ABCA13: variants seen among roughly 807,000 people sequenced by gnomAD.
The protein encoded by ABCA13 is ATP-binding cassette sub-family A member 13.
Under a neutral mutation model 478.7 loss-of-function variants are expected in ABCA13, and 476 were observed. That is an observed-to-expected ratio of 0.99 (90% CI 0.92 to 1.07). ABCA13 has a LOEUF of 1.07. ABCA13 is among the 50% of genes least tolerant of loss of function. The probability of loss-of-function intolerance (pLI) is 0.00; values close to 1 mark genes in which losing one functional copy is unlikely to be tolerated. For missense variants in ABCA13, 6,060 were observed against 5,910.6 expected (o/e 1.03, Z -0.83); for synonymous variants, 2,252 against 2,158.9 (o/e 1.04, Z -1.20).
chr7:48,561,980 G>C (rs1786503963), intron 55 of ABCA13, among the ~76,000 whole-genome samples: 1 of 151,858 alleles, frequency 6.6e-6, no homozygotes, highest in Non-Finnish European at 1.5e-5. Context: ...AATAAGTGTA[G>C]AACATGAAAA....
At chr7:48,299,340 A>C (rs990373791) in intron 23 of ABCA13, among the ~76,000 whole-genome samples, 6 of 152,212 alleles carry the variant, frequency 3.9e-5, no homozygotes, top group African/African-American at 1.2e-4. Context: ...GGGTGGACTA[A>C]TGAAGAATTA....
chr7:48,479,299 GCC>G (rs1407121841), intron 45 of ABCA13, among the ~76,000 whole-genome samples: 1 of 151,900 alleles, frequency 6.6e-6, no homozygotes, highest in Non-Finnish European at 1.5e-5. Flanking sequence ...GTGCAGTGGT[GCC>G]ATCTTGGCTC....
chr7:48,292,929 T>G (rs1798739909), intron 20 of ABCA13, among the ~76,000 whole-genome samples: 1 of 152,208 alleles, frequency 6.6e-6, no homozygotes, highest in Non-Finnish European at 1.5e-5. Flanking sequence ...GCTCCATAAG[T>G]ATTTTTTGAA....
intron 42 of ABCA13, among the ~76,000 whole-genome samples, chr7:48,435,635 A>G (rs1822729624): frequency 6.6e-6 from 1 of 151,734 alleles, no homozygotes; most frequent in African/African-American, 2.4e-5. Context: ...TATTGAGTAC[A>G]ATATTGGGTG....
chr7:48,352,804 CA>C (rs1458393909), intron 31 of ABCA13, among the ~76,000 whole-genome samples: 1 of 151,922 alleles, frequency 6.6e-6, no homozygotes, highest in African/African-American at 2.4e-5. Context: ...CAAAAGATTC[CA>C]CTTACCTAAC....
rs6583546 is a variant in ABCA13 at position 48,297,247 on chromosome 7, C to T, written c.9135C>T (p.Leu3045=). 0.66 allele frequency: 1,059,079 copies of T among 1,603,750 alleles called. 354,355 individuals carry two copies. Among genetic ancestry groups the T allele is most frequent in the East Asian group, 0.99 (44,235 of 44,722 alleles). The change falls in exon 22 of 62, where the codon CTC becomes CTT. Residue 3045 remains leucine, a synonymous_variant. Coordinates refer to ENST00000435803, the MANE Select transcript of ABCA13 (RefSeq NM_152701.5). The part of the protein sequence containing the change: ...QQHLYMLAKS[L]EETWSSGNPI... ...GCCATTTTAGGTTGGCCAAAAGCCT[C>T]GAGGAAACTTGGTCATCAGGGAATC...
intron 32 of ABCA13, 79 bp from the exon 33 acceptor site, chr7:48,372,089 T>G: frequency 7.2e-7 from 1 of 1,383,602 alleles, no homozygotes; most frequent in Non-Finnish European, 9.8e-7. Context: ...CTGGTCCACC[T>G]TCTTTCTCCT....
chr7:48,517,162 C>T (rs1476463078), intron 52 of ABCA13, among the ~76,000 whole-genome samples: 1 of 152,122 alleles, frequency 6.6e-6, no homozygotes, highest in African/African-American at 2.4e-5. Flanking sequence ...CTGCCGCATC[C>T]CTAGCATTTT....
At chr7:48,252,705 G>A (rs6583461) in intron 15 of ABCA13, among the ~76,000 whole-genome samples, 57,897 of 151,934 alleles carry the variant, frequency 0.38, 12,269 homozygotes, top group East Asian at 0.59. Context: ...TCTAGATTTA[G>A]TTTTGTGTTT....
chr7:48,477,103 T>C (rs2130443626), intron 45 of ABCA13, among the ~76,000 whole-genome samples: 1 of 152,218 alleles, frequency 6.6e-6, no homozygotes, highest in African/African-American at 2.4e-5. Flanking sequence ...AGTCCAGAGA[T>C]GAGGGCCTGA....
chr7:48,395,867 T>C lies in ABCA13; in HGVS notation c.11873+3728T>C, dbSNP rs373091138. Among the ~76,000 whole-genome samples the C allele has an allele frequency of 9.2e-5, 14 of 152,338 alleles. No homozygotes were observed. The South Asian group carries it at 2.9e-3, about 32-fold the overall frequency. ...AGTAGAATATTAGTAGGTAAGCTTT[T>C]GGGGAGTTGAAAGTTATACACAGAT... On this transcript the variant is annotated intron_variant, in intron 38 of 61. Coordinates refer to ENST00000435803, the MANE Select transcript of ABCA13 (RefSeq NM_152701.5).
At chr7:48,322,163 T>C (rs963829501) in intron 27 of ABCA13, among the ~76,000 whole-genome samples, 3 of 152,190 alleles carry the variant, frequency 2.0e-5, no homozygotes, top group Non-Finnish European at 2.9e-5. Context: ...CATCTGTCTG[T>C]ATGCATAACA....
At chr7:48,597,920 T>C (rs2131459708) in intron 58 of ABCA13, among the ~76,000 whole-genome samples, 1 of 152,322 alleles carries the variant, frequency 6.6e-6, no homozygotes, top group South Asian at 2.1e-4. Context: ...GTGATACATT[T>C]ATTAAAATTG....
At chr7:48,626,595 C>G in intron 59 of ABCA13, 1 of 985,214 alleles carries the variant, frequency 1.0e-6, no homozygotes, top group Non-Finnish European at 1.2e-6. Flanking sequence ...TTTTTGTTCT[C>G]TAGTAGGAAG....
chr7:48,227,540 T>C (rs1303164448), intron 6 of ABCA13, 115 bp downstream of exon 6: 1 of 1,272,686 alleles, frequency 7.9e-7, no homozygotes, highest in East Asian at 2.5e-5. Context: ...CACAATAATG[T>C]TACCTTGAAA....
chr7:48,552,147 T>C (rs540087429), intron 55 of ABCA13, among the ~76,000 whole-genome samples: 1 of 151,950 alleles, frequency 6.6e-6, no homozygotes, highest in African/African-American at 2.4e-5. Context: ...AATTTTAACC[T>C]ATTAACCTGT....
At chr7:48,529,649 G>C (rs948580974) in intron 55 of ABCA13, among the ~76,000 whole-genome samples, 1 of 152,162 alleles carries the variant, frequency 6.6e-6, no homozygotes, top group Non-Finnish European at 1.5e-5. Flanking sequence ...ACATTGTTTT[G>C]TGGATGTAGA....
Position 48,387,807 on chromosome 7 carries a change from T to C in ABCA13, c.11336-15T>C. The C allele has an allele frequency of 6.5e-7, 1 of 1,529,588 alleles. No individual in the cohort carries two copies. Among genetic ancestry groups the C allele is most frequent in the Non-Finnish European group, 8.8e-7 (1 of 1,139,034 alleles). 94.8% of individuals were successfully genotyped at this position (1,529,588 alleles called of 1,614,324 possible). A position where few individuals can be genotyped will look rare whatever the true frequency, so the allele number is the denominator to read the frequency against. On this transcript the variant is annotated splice_polypyrimidine_tract_variant and intron_variant, in intron 35 of 61. Coordinates refer to ENST00000435803, the MANE Select transcript of ABCA13 (RefSeq NM_152701.5). The stretch of plus-strand genomic sequence containing the variant: ...AATAAAAAATTAAACTAATTTTAAT[T>C]GTTTCATTTTTTAGGAACATTTGGT...
At chr7:48,283,162 C>G (rs1584617929) in intron 19 of ABCA13, among the ~76,000 whole-genome samples, 1 of 151,866 alleles carries the variant, frequency 6.6e-6, no homozygotes. Flanking sequence ...GGACGTATTC[C>G]CAACATCCAC....
Sources: allele counts gnomAD v4.1 joint callset (sites outside exome capture counted in the v4.1 genomes callset), GRCh38; gene constraint gnomAD v4.1.1; transcripts MANE v1.5; gene names NCBI Gene and HGNC (gene_info 2026-07-23, HGNC 2026-07-21).